SPECC1: variants seen among roughly 807,000 people sequenced by gnomAD.
SPECC1 encodes the protein sperm antigen with calponin homology and coiled-coil domains 1.
A neutral mutation model predicts 104.1 loss-of-function variants in SPECC1; 62 were observed. The ratio of observed to expected loss-of-function variants is 0.60; its 90% CI spans 0.49 to 0.74. The LOEUF (loss-of-function observed/expected upper bound fraction) is 0.74. Among genes scored for constraint, SPECC1 ranks in the 30% least tolerant of loss-of-function variants. The probability of loss-of-function intolerance (pLI) is 0.00; values close to 1 mark genes in which losing one functional copy is unlikely to be tolerated. For missense variants in SPECC1, 1,306 were observed against 1,310.5 expected (o/e 1.00, Z 0.05); for synonymous variants, 513 against 501.6 (o/e 1.02, Z -0.30).
At chr17:20,179,037 A>T (rs1006295694) in intron 3 of SPECC1, among the ~76,000 whole-genome samples, 1 of 152,232 alleles carries the variant, frequency 6.6e-6, no homozygotes, top group African/African-American at 2.4e-5. Context: ...AACTAATATA[A>T]ATCTTCTGTA....
chr17:20,020,673 A>AT (rs1406582768), intron 1 of SPECC1, among the ~76,000 whole-genome samples: 1 of 152,124 alleles, frequency 6.6e-6, no homozygotes, highest in East Asian at 1.9e-4. Flanking sequence ...GAGGAATTGA[A>AT]TTAATTATAT....
At chr17:20,239,038 G>T in intron 7 of SPECC1, 1 of 1,033,570 alleles carries the variant, frequency 9.7e-7, no homozygotes, top group Non-Finnish European at 1.2e-6. Flanking sequence ...CTGGATGTAA[G>T]TTGTAAATAG....
At position 20,205,476 on chromosome 17, in the gene SPECC1, AGG is replaced by A; in HGVS notation, c.1429_1430del (p.Gly477ProfsTer3). 6.2e-7 allele frequency: 1 copy of A among 1,614,168 alleles called. No homozygotes were observed. The highest frequency in any genetic ancestry group is 8.5e-7 in the Non-Finnish European group (1 of 1,180,032). On this transcript the variant is annotated frameshift_variant, in exon 4 of 15. Transcript: ENST00000395527. LOFTEE classifies it high-confidence loss of function. ...CAGAAGTGCACAGGTATTCTTGAAC[AGG>A]GCCGCTTTGAAAGAGAGAAGCTACT...
At chr17:20,201,628 T>C (rs1234044806) in intron 3 of SPECC1, among the ~76,000 whole-genome samples, 1 of 152,266 alleles carries the variant, frequency 6.6e-6, no homozygotes, top group Non-Finnish European at 1.5e-5. Flanking sequence ...TCTTCCAGTT[T>C]TTAATACGGT....
At chr17:20,121,333 AT>A (rs1269960682) in intron 3 of SPECC1, among the ~76,000 whole-genome samples, 1 of 150,294 alleles carries the variant, frequency 6.7e-6, no homozygotes, top group Non-Finnish European at 1.5e-5. Context: ...TTATTCACTT[AT>A]CTGAATTCCA....
intron 9 of SPECC1, among the ~76,000 whole-genome samples, chr17:20,249,817 G>C (rs2039556010): frequency 6.6e-6 from 1 of 152,098 alleles, no homozygotes; most frequent in Non-Finnish European, 1.5e-5. Context: ...AAACATATGG[G>C]ATGGAATAAA....
rs543764143 is a variant in SPECC1 at position 20,299,384 on chromosome 17, A to G, written c.3057+2307A>G. On this transcript the variant is annotated intron_variant, in intron 13 of 14. Coordinates refer to ENST00000395527, the MANE Select transcript of SPECC1 (RefSeq NM_001243439.2). ...GCCTAGGCAACATAGGCAGACCTCC[A>G]TTTCTACAAAAAAAATTTTTTTTCA... 3.9e-3 allele frequency among the ~76,000 whole-genome samples: 587 copies of G among 151,302 alleles called. 3 individuals are homozygous for G. The highest frequency in any genetic ancestry group is 0.029 in the South Asian group (139 of 4,772).
At chr17:20,143,467 T>G (rs572679537) in intron 3 of SPECC1, among the ~76,000 whole-genome samples, 1 of 152,036 alleles carries the variant, frequency 6.6e-6, no homozygotes, top group Non-Finnish European at 1.5e-5. Flanking sequence ...GCAGATCACT[T>G]GAGGTCAGGG....
chr17:20,087,842 A>G (rs183836342), intron 1 of SPECC1, among the ~76,000 whole-genome samples: 53 of 152,318 alleles, frequency 3.5e-4, no homozygotes, highest in Admixed American at 1.9e-3. Flanking sequence ...CTGAAGAAAT[A>G]AACCAGGGGC....
intron 13 of SPECC1, among the ~76,000 whole-genome samples, chr17:20,304,939 G>GC (rs1180652876): frequency 2.6e-5 from 4 of 151,946 alleles, no homozygotes; most frequent in Non-Finnish European, 4.4e-5. Flanking sequence ...GAGGCACAAA[G>GC]CCCCCCTCCC....
At chr17:20,104,273 T>C (rs1484614502) in intron 2 of SPECC1, among the ~76,000 whole-genome samples, 1 of 152,200 alleles carries the variant, frequency 6.6e-6, no homozygotes, top group East Asian at 1.9e-4. Context: ...CATTCCTTCT[T>C]CAGCTAATCA....
chr17:20,156,534 C>T (rs1478053891), intron 3 of SPECC1, among the ~76,000 whole-genome samples: 3 of 152,188 alleles, frequency 2.0e-5, no homozygotes, highest in Non-Finnish European at 4.4e-5. Flanking sequence ...GCGCCTAGAC[C>T]AGGTCTCCTG....
At chr17:20,015,993 C>T (rs1328993380) in intron 1 of SPECC1, among the ~76,000 whole-genome samples, 2 of 149,918 alleles carry the variant, frequency 1.3e-5, no homozygotes, top group Non-Finnish European at 3.0e-5. Flanking sequence ...GGATGGATCA[C>T]GAGGTCAGGA....
At chr17:20,130,280 G>T (rs1337981129) in intron 3 of SPECC1, among the ~76,000 whole-genome samples, 1 of 152,136 alleles carries the variant, frequency 6.6e-6, no homozygotes, top group Non-Finnish European at 1.5e-5. Flanking sequence ...GTTGGGGCTG[G>T]GCGTGGTGGC....
chr17:20,189,296 A>G (rs1411897245), intron 3 of SPECC1, among the ~76,000 whole-genome samples: 4 of 152,158 alleles, frequency 2.6e-5, no homozygotes, highest in Admixed American at 2.6e-4. Flanking sequence ...CTAGTTAGGC[A>G]ATGAGGATTT....
chr17:20,189,509 G>A (rs2035510847), intron 3 of SPECC1, among the ~76,000 whole-genome samples: 1 of 152,174 alleles, frequency 6.6e-6, no homozygotes, highest in Admixed American at 6.5e-5. Flanking sequence ...AATGGCAGCT[G>A]GTTGTGTGGG....
chr17:20,194,502 A>ATTATTATTATTT, intron 3 of SPECC1, among the ~76,000 whole-genome samples: 2 of 86,566 alleles, frequency 2.3e-5, no homozygotes, highest in African/African-American at 1.1e-4. Flanking sequence ...AAGAGAACGA[A>ATTATTATTATTT]TTTTTTTTTT....
intron 12 of SPECC1, among the ~76,000 whole-genome samples, chr17:20,275,146 T>C (rs1408331556): frequency 6.6e-6 from 1 of 152,176 alleles, no homozygotes; most frequent in Non-Finnish European, 1.5e-5. Flanking sequence ...ATGTAATTAA[T>C]AACATAAATA....
At chr17:20,084,454 G>C (rs1247647915) in intron 1 of SPECC1, among the ~76,000 whole-genome samples, 1 of 152,100 alleles carries the variant, frequency 6.6e-6, no homozygotes, top group African/African-American at 2.4e-5. Context: ...AAAAATAAAA[G>C]TAACAAATAA....
Sources: gnomAD v4.1 joint callset for allele counts (sites outside exome capture counted in the v4.1 genomes callset) on GRCh38, gnomAD v4.1.1 for gene constraint, MANE v1.5 for transcripts, NCBI Gene and HGNC (gene_info 2026-07-23, HGNC 2026-07-21) for gene names.